ZC3H3: variants seen among roughly 807,000 people sequenced by gnomAD.
ZC3H3 encodes the protein zinc finger CCCH-type containing 3.
In ZC3H3, 36 loss-of-function variants were observed where a neutral mutation model predicts 77.3. The ratio of observed to expected loss-of-function variants is 0.47; its 90% confidence interval spans 0.36 to 0.61. The LOEUF (loss-of-function observed/expected upper bound fraction) is 0.61, where lower values mean the gene tolerates loss of function less well. ZC3H3 is among the 20% of genes least tolerant of loss of function. The pLI, the probability that ZC3H3 is intolerant of heterozygous loss-of-function variation, is 0.00. For missense variants in ZC3H3, 1,331 were observed against 1,312.2 expected, an observed-to-expected ratio of 1.01 and a Z score of -0.22; for synonymous variants, 626 against 555.2, an observed-to-expected ratio of 1.13 and a Z score of -1.79.
rs557477969 is a variant in ZC3H3, at chr8:143,523,279, G to T, written c.1561+12978C>A. ...CCAGGCTTGCTCCACGTCCCCAGGG[G>T]CTATAGCAAAGACAGACGCACGATG... is the stretch of plus-strand genomic sequence containing the variant. On this transcript the variant is annotated intron_variant, in intron 3 of 11. Coordinates refer to ENST00000262577, the MANE Select transcript of ZC3H3 (RefSeq NM_015117.3). The T allele has an allele frequency of 5.1e-6, 5 of 977,536 alleles. No homozygotes were observed. In the South Asian group the frequency reaches 2.4e-4, roughly 46 times the overall value. 60.6% of individuals were successfully genotyped at this position (977,536 alleles called of 1,614,324 possible).
intron 4 of ZC3H3, among the ~76,000 whole-genome samples, chr8:143,478,036 A>G (rs979331297): frequency 1.3e-5 from 2 of 152,080 alleles, no homozygotes; most frequent in Admixed American, 1.3e-4. Context: ...CCAATCCTGC[A>G]TGCCTGACCC....
chr8:143,438,097 G>C lies in ZC3H3; in HGVS notation c.2816-10C>G. The C allele has an allele frequency of 6.2e-7, 1 of 1,608,406 alleles. No homozygotes were observed. The highest frequency in any genetic ancestry group is 8.5e-7 in the Non-Finnish European group (1 of 1,177,602). On this transcript the variant is annotated splice_polypyrimidine_tract_variant and intron_variant, in intron 11 of 11. Transcript: ENST00000262577. The stretch of plus-strand genomic sequence containing the variant: ...ATGTGCAGAGGCTTCCCTATGCAAA[G>C]AGGGCAAAAGTTAGGTGCCCGGAAA...
intron 11 of ZC3H3, among the ~76,000 whole-genome samples, chr8:143,438,401 G>A (rs1278042900): frequency 4.6e-5 from 7 of 152,156 alleles, no homozygotes; most frequent in Admixed American, 3.9e-4. Context: ...CGGCAGTCCC[G>A]GCCACAAGGT....
intron 3 of ZC3H3, among the ~76,000 whole-genome samples, chr8:143,531,132 G>T (rs766206907): frequency 4.6e-5 from 7 of 151,906 alleles, no homozygotes; most frequent in African/African-American, 1.7e-4. Context: ...GCTAATTCTC[G>T]CATTTTTTGT....
At chr8:143,455,510 A>AAAT (rs138100981) in intron 9 of ZC3H3, among the ~76,000 whole-genome samples, 2 of 151,848 alleles carry the variant, frequency 1.3e-5, no homozygotes, top group East Asian at 3.9e-4. Context: ...CCCCTCCCCA[A>AAAT]AATAATAATA....
At chr8:143,497,729 C>T (rs539057642) in intron 4 of ZC3H3, among the ~76,000 whole-genome samples, 3 of 152,236 alleles carry the variant, frequency 2.0e-5, no homozygotes, top group African/African-American at 7.2e-5. Context: ...GGAGCTGAAC[C>T]AGGGCCGTCG....
chr8:143,537,955 C>T, intron 2 of ZC3H3, 48 bp downstream of exon 2: 1 of 1,516,402 alleles, frequency 6.6e-7, no homozygotes, highest in South Asian at 1.3e-5. Context: ...CCAAACAAAC[C>T]CTCCTCACAG....
Position 143,537,996 on chromosome 8 carries a change from T to C in ZC3H3, c.1364+7A>G. 1 of 1,591,824 alleles carries C rather than the reference T, an allele frequency of 6.3e-7. No homozygotes were observed. The highest frequency in any genetic ancestry group is 8.6e-7 in the Non-Finnish European group (1 of 1,168,282). On this transcript the variant is annotated splice_region_variant and intron_variant, in intron 2 of 11. Transcript: ENST00000262577. Reference sequence around the variant, plus strand: ...CACACTCTACCGCAGCCGGCCGGGATGCCCACCTTGTGCTGCTGCGTCTCC... The same window carrying C: ...CACACTCTACCGCAGCCGGCCGGGACGCCCACCTTGTGCTGCTGCGTCTCC...
At chr8:143,486,027 C>G (rs1821043423) in intron 4 of ZC3H3, among the ~76,000 whole-genome samples, 1 of 152,256 alleles carries the variant, frequency 6.6e-6, no homozygotes, top group South Asian at 2.1e-4. Context: ...TTCCAAAGCT[C>G]AGTGTCCATC....
intron 9 of ZC3H3, among the ~76,000 whole-genome samples, chr8:143,455,978 C>CAAAAAAAAAAAAAAAA (rs58754874): frequency 2.4e-5 from 1 of 40,918 alleles, no homozygotes; most frequent in Non-Finnish European, 4.5e-5. Context: ...GACTCTGTCT[C>CAAAAAAAAAAAAAAAA]AAAAAAAAAA....
At chr8:143,527,493 C>T (rs1419504054) in intron 3 of ZC3H3, among the ~76,000 whole-genome samples, 1 of 152,184 alleles carries the variant, frequency 6.6e-6, no homozygotes, top group African/African-American at 2.4e-5. Context: ...CGCGATCCCA[C>T]GCCAGTTCTG....
At chr8:143,490,378 C>T (rs971116570) in intron 4 of ZC3H3, among the ~76,000 whole-genome samples, 5 of 152,364 alleles carry the variant, frequency 3.3e-5, no homozygotes, top group Admixed American at 6.5e-5. Context: ...CCTGTGGGGG[C>T]CTCAGTCCTC....
intron 9 of ZC3H3, among the ~76,000 whole-genome samples, chr8:143,450,723 T>C (rs1819967870): frequency 1.3e-5 from 2 of 152,028 alleles, no homozygotes; most frequent in Non-Finnish European, 2.9e-5. Flanking sequence ...GAACATTCCA[T>C]CACAAGAATA....
At chr8:143,457,741 C>T (rs1820158070) in intron 9 of ZC3H3, among the ~76,000 whole-genome samples, 1 of 152,026 alleles carries the variant, frequency 6.6e-6, no homozygotes, top group Admixed American at 6.6e-5. Context: ...GTGATATGCA[C>T]CTATAGTCCC....
In ZC3H3 at chr8:143,529,600, G is replaced by C. The variant is rs536075157; in HGVS notation, c.1561+6657C>G. On this transcript the variant is annotated intron_variant, in intron 3 of 11. Coordinates refer to ENST00000262577, the MANE Select transcript of ZC3H3 (RefSeq NM_015117.3). ...TTCCAGGAAATGTCGCACCACAGTC[G>C]GGGGGAGACCCCACACAGGACTGGG... Among the ~76,000 whole-genome samples the C allele has an allele frequency of 2.6e-5, 4 of 152,292 alleles. No individual in the cohort carries two copies. In the South Asian group the frequency reaches 8.3e-4, roughly 32 times the overall value.
chr8:143,473,104 A>G (rs1336522502), intron 5 of ZC3H3, among the ~76,000 whole-genome samples: 1 of 152,172 alleles, frequency 6.6e-6, no homozygotes, highest in Non-Finnish European at 1.5e-5. Flanking sequence ...TGTCTTGGCC[A>G]CTTAATTATC....
rs1227431994 is a variant in ZC3H3, at chr8:143,530,791, A to AC, written c.1561+5465dup. On this transcript the variant is annotated intron_variant, in intron 3 of 11. Transcript: ENST00000262577. This position sits in a 1 kb window ranked among gnomAD's most constrained non-coding sequence, Gnocchi z 4.3. ...ATTGCCACAGTTATGTGAGTGGCAAACAGGACACCATTTTTCAGACTCCAA... is the reference window on the plus strand; with the variant it reads ...ATTGCCACAGTTATGTGAGTGGCAAACCAGGACACCATTTTTCAGACTCCAA... 6.6e-6 allele frequency among the ~76,000 whole-genome samples: 1 copy of AC among 152,098 alleles called. No homozygotes were observed. The highest frequency in any genetic ancestry group is 1.5e-5 in the Non-Finnish European group (1 of 68,014).
chr8:143,451,008 G>A (rs1819974442), intron 9 of ZC3H3, among the ~76,000 whole-genome samples: 1 of 152,162 alleles, frequency 6.6e-6, no homozygotes, highest in South Asian at 2.1e-4. Context: ...GTGACTGGAT[G>A]CTTTCTACCC....
chr8:143,485,013 TA>T, intron 4 of ZC3H3: 1 of 305,586 alleles, frequency 3.3e-6, no homozygotes, highest in South Asian at 2.5e-5. Flanking sequence ...CAGAACTGAT[TA>T]TGAAGCAAAG....
Sources: gnomAD v4.1 joint callset for allele counts (sites outside exome capture counted in the v4.1 genomes callset) on GRCh38, gnomAD v4.1.1 for gene constraint, Gnocchi (gnomAD v3.1) non-coding constraint, MANE v1.5 for transcripts, NCBI Gene and HGNC (gene_info 2026-07-23, HGNC 2026-07-21) for gene names.